ZNF772: variants seen among roughly 807,000 people sequenced by gnomAD.
ZNF772 encodes the protein zinc finger protein 772.
Under a neutral mutation model 11.0 loss-of-function variants are expected in ZNF772, and 8 were observed. That is an observed-to-expected ratio of 0.73 (90% CI 0.43 to 1.31). The LOEUF (loss-of-function observed/expected upper bound fraction) is 1.31, where lower values mean the gene tolerates loss of function less well. ZNF772 is among the 50% of genes most tolerant of loss of function. The pLI, the probability that ZNF772 is intolerant of heterozygous loss-of-function variation, is 0.01. For synonymous variants in ZNF772, 155 were observed against 180.4 expected (o/e 0.86, Z 1.13); for missense variants, 496 against 552.3 (o/e 0.90, Z 1.02).
chr19:57,475,328 C>A lies in ZNF772; in HGVS notation c.199+332G>T, dbSNP rs189498297. On this transcript the variant is annotated intron_variant, in intron 3 of 3. Coordinates refer to ENST00000356584, the MANE Select transcript of ZNF772 (RefSeq NM_001144068.2). The surrounding 1 kb of genome is among the most constrained non-coding windows in gnomAD (Gnocchi z 4.2). The stretch of plus-strand genomic sequence containing the variant: ...CAGGAAATGTCAGCTAAAGGAAGAG[C>A]GCAGAATCCCAGGCACAGAGGTGTC... Among the ~76,000 whole-genome samples the A allele has an allele frequency of 6.6e-6, 1 of 152,162 alleles. No individual in the cohort carries two copies. The highest frequency in any genetic ancestry group is 1.5e-5 in the Non-Finnish European group (1 of 68,032).
intron 2 of ZNF772, among the ~76,000 whole-genome samples, chr19:57,476,183 C>A (rs552808739): frequency 6.6e-6 from 1 of 152,342 alleles, no homozygotes; most frequent in African/African-American, 2.4e-5. Flanking sequence ...ACAGTTATCT[C>A]ACAACTCTGG....
rs1167574584 is a variant in ZNF772, at chr19:57,471,458, T to C, written c.*1816A>G. ...CTTAACATTTAAAAAAATCAGTCAA[T>C]GTAATTCATATTAAACAACTAAAAC... On this transcript the variant is annotated 3_prime_UTR_variant, in exon 4 of 4. Transcript: ENST00000356584. The C allele has an allele frequency of 6.6e-6, 1 of 152,186 alleles. No individual in the cohort carries two copies. Among genetic ancestry groups the C allele is most frequent in the Non-Finnish European group, 1.5e-5 (1 of 68,022 alleles). The allele number at this position is 152,186 out of a possible 1,614,324, so 9.4% of individuals were successfully genotyped here.
intron 3 of ZNF772, among the ~76,000 whole-genome samples, chr19:57,474,785 T>G (rs1175080036): frequency 1.3e-5 from 2 of 152,204 alleles, no homozygotes; most frequent in Non-Finnish European, 2.9e-5. Flanking sequence ...GTTTAAGGAC[T>G]ATTTGGGCTA....
Position 57,477,401 on chromosome 19 carries a change from G to T in ZNF772, c.-92C>A. On this transcript the variant is annotated 5_prime_UTR_variant, in exon 1 of 4. In the 5' UTR this introduces an upstream ATG that the reference lacks. Coordinates refer to ENST00000356584, the MANE Select transcript of ZNF772 (RefSeq NM_001144068.2). ...GCCCAGCGGCTAGGTCACTCAGGCAGCGCCACTGTCAAGCCTCAGGCCCAC... is the reference window on the plus strand; with the variant it reads ...GCCCAGCGGCTAGGTCACTCAGGCATCGCCACTGTCAAGCCTCAGGCCCAC... 1 of 1,448,252 alleles carries T rather than the reference G, an allele frequency of 6.9e-7. No homozygotes were observed. The highest frequency in any genetic ancestry group is 9.6e-7 in the Non-Finnish European group (1 of 1,042,990). The allele number at this position is 1,448,252 out of a possible 1,614,324, so 89.7% of individuals were successfully genotyped here.
Position 57,473,857 on chromosome 19 carries a change from C to T in ZNF772, c.764G>A (p.Cys255Tyr). The T allele has an allele frequency of 6.2e-7, 1 of 1,614,186 alleles. No individual in the cohort carries two copies. Among genetic ancestry groups the T allele is most frequent in the Non-Finnish European group, 8.5e-7 (1 of 1,180,004 alleles). The change falls in exon 4 of 4, where the codon TGC (cysteine) becomes TAC (tyrosine). Residue 255 changes from cysteine to tyrosine, a missense_variant. Transcript: ENST00000356584. Reference protein sequence around the residue: ...RVHTGERPYECGECGKTFSRK... With the variant: ...RVHTGERPYEYGECGKTFSRK... The stretch of plus-strand genomic sequence containing the variant: ...GCTAAAGGTTTTCCCACATTCACCG[C>T]ACTCATAAGGCCTTTCTCCAGTGTG...
chr19:57,476,481 C>G, intron 2 of ZNF772, 153 bp downstream of exon 2: 1 of 874,676 alleles, frequency 1.1e-6, no homozygotes, highest in East Asian at 2.6e-5. Context: ...AACCCCTGGC[C>G]CGGAGTCAGG....
Position 57,472,289 on chromosome 19 carries a change from G to C in ZNF772, c.*985C>G, listed in dbSNP as rs1170695027. On this transcript the variant is annotated 3_prime_UTR_variant, in exon 4 of 4. Coordinates refer to ENST00000356584, the MANE Select transcript of ZNF772 (RefSeq NM_001144068.2). ...ACTGCCTACTGAAAAATAGACTTCAGAGATCTTGACATGTCCACTGAGTTC... is the reference window on the plus strand; with the variant it reads ...ACTGCCTACTGAAAAATAGACTTCACAGATCTTGACATGTCCACTGAGTTC... The C allele has an allele frequency of 2.7e-5, 11 of 413,674 alleles. No individual in the cohort carries two copies. The highest frequency in any genetic ancestry group is 1.9e-4 in the South Asian group (11 of 56,702). The allele number at this position is 413,674 out of a possible 1,614,324, so 25.6% of individuals were successfully genotyped here.
chr19:57,473,222 C>T lies in ZNF772; in HGVS notation c.*52G>A, dbSNP rs1293570698. On this transcript the variant is annotated 3_prime_UTR_variant, in exon 4 of 4. Coordinates refer to ENST00000356584, the MANE Select transcript of ZNF772 (RefSeq NM_001144068.2). ...CACATAAAGGCTATGCTTGGAGCTT[C>T]TCTCTGATGTCAGTTATTATGTTGA... 2.6e-6 allele frequency: 4 copies of T among 1,539,894 alleles called. No individual in the cohort carries two copies. The highest frequency in any genetic ancestry group is 2.1e-4 in the Middle Eastern group (1 of 4,806).
At position 57,475,532 on chromosome 19, in the gene ZNF772, A is replaced by G; in HGVS notation, c.199+128T>C. ...ACAGCCCAAGCCCAGCACTCACAGA[A>G]CCTACTCCAGGCACTAAGAAATGAG... On this transcript the variant is annotated intron_variant, in intron 3 of 3. Coordinates refer to ENST00000356584, the MANE Select transcript of ZNF772 (RefSeq NM_001144068.2). This position sits in a 1 kb window ranked among gnomAD's most constrained non-coding sequence, Gnocchi z 4.2. The G allele has an allele frequency of 2.1e-6, 3 of 1,460,518 alleles. No individual in the cohort carries two copies. The highest frequency in any genetic ancestry group is 2.9e-6 in the Non-Finnish European group (3 of 1,043,836). 90.5% of individuals were successfully genotyped at this position (1,460,518 alleles called of 1,614,324 possible). A position where few individuals can be genotyped will look rare whatever the true frequency, so the allele number is the denominator to read the frequency against.
Position 57,474,334 on chromosome 19 carries a change from C to T in ZNF772, c.287G>A (p.Gly96Asp), listed in dbSNP as rs149559142. The change falls in exon 4 of 4, where the codon GGT (glycine) becomes GAT (aspartate). Residue 96 changes from glycine to aspartate, a missense_variant. By Grantham distance (94) the Gly-to-Asp change is moderately conservative. Coordinates refer to ENST00000356584, the MANE Select transcript of ZNF772 (RefSeq NM_001144068.2). ...GMSQIRIPKG[G>D]PSTQKAYPCG... Reference sequence around the variant, plus strand: ...GGGGTAAGCCTTCTGAGTAGAAGGACCTCCCTTGGGAATCCTGATCTGTGA... The same window carrying T: ...GGGGTAAGCCTTCTGAGTAGAAGGATCTCCCTTGGGAATCCTGATCTGTGA... 1 of 1,613,786 alleles carries T rather than the reference C, an allele frequency of 6.2e-7. No homozygotes were observed. Among genetic ancestry groups the T allele is most frequent in the Non-Finnish European group, 8.5e-7 (1 of 1,180,046 alleles).
Position 57,477,451 on chromosome 19 carries a change from T to C in ZNF772, c.-142A>G. The C allele has an allele frequency of 1.3e-6, 1 of 788,614 alleles. No homozygotes were observed. The allele number at this position is 788,614 out of a possible 1,614,324, so 48.9% of individuals were successfully genotyped here. A position where few individuals can be genotyped will look rare whatever the true frequency, so the allele number is the denominator to read the frequency against. ...CCTCTCTTCAGGGAAGAAGACACTCTCTCACGTTTTCCCTTTTCTGTCACC... is the reference window on the plus strand; with the variant it reads ...CCTCTCTTCAGGGAAGAAGACACTCCCTCACGTTTTCCCTTTTCTGTCACC... On this transcript the variant is annotated 5_prime_UTR_variant, in exon 1 of 4. Transcript: ENST00000356584.
Position 57,473,856 on chromosome 19 carries a change from G to A in ZNF772, c.765C>T (p.Cys255=), listed in dbSNP as rs140411377. 361 of 1,614,026 alleles carry A rather than the reference G, an allele frequency of 2.2e-4. No individual in the cohort carries two copies. In the African/African-American group the frequency reaches 3.2e-3, roughly 14 times the overall value. The change falls in exon 4 of 4, where the codon TGC becomes TGT. Residue 255 remains cysteine (C), a synonymous_variant. Coordinates refer to ENST00000356584, the MANE Select transcript of ZNF772 (RefSeq NM_001144068.2). ...GGCTAAAGGTTTTCCCACATTCACC[G>A]CACTCATAAGGCCTTTCTCCAGTGT... The part of the protein sequence containing the change: ...RVHTGERPYE[C]GECGKTFSRK...
Position 57,475,489 on chromosome 19 carries a change from G to T in ZNF772, c.199+171C>A. 1 of 1,064,020 alleles carries T rather than the reference G, an allele frequency of 9.4e-7. No homozygotes were observed. Among genetic ancestry groups the T allele is most frequent in the Non-Finnish European group, 1.4e-6 (1 of 693,788 alleles). The allele number at this position is 1,064,020 out of a possible 1,614,324, so 65.9% of individuals were successfully genotyped here. A position where few individuals can be genotyped will look rare whatever the true frequency, so the allele number is the denominator to read the frequency against. Reference sequence around the variant, plus strand: ...AGCAAGCGCTGGGAATGCTCAAAAGGAGAAAGTAGGAGTGCAAACAGCCCA... The same window carrying T: ...AGCAAGCGCTGGGAATGCTCAAAAGTAGAAAGTAGGAGTGCAAACAGCCCA... On this transcript the variant is annotated intron_variant, in intron 3 of 3. Transcript: ENST00000356584. This position sits in a 1 kb window ranked among gnomAD's most constrained non-coding sequence, Gnocchi z 4.2.
chr19:57,474,351 G>A lies in ZNF772; in HGVS notation c.270C>T (p.Ile90=). The change falls in exon 4 of 4, where the codon ATC becomes ATT. Residue 90 remains isoleucine (I), a synonymous_variant. Transcript: ENST00000356584. ...EQSFSIGMSQ[I]RIPKGGPSTQ... ...TAGAAGGACCTCCCTTGGGAATCCT[G>A]ATCTGTGACATTCCTATAGAAAAGC... 1 of 1,613,446 alleles carries A rather than the reference G, an allele frequency of 6.2e-7. No homozygotes were observed. Among genetic ancestry groups the A allele is most frequent in the Non-Finnish European group, 8.5e-7 (1 of 1,180,048 alleles).
At chr19:57,474,450 C>A (rs1217270437) in intron 3 of ZNF772, 29 bp from the exon 4 acceptor site, 1 of 1,580,932 alleles carries the variant, frequency 6.3e-7, no homozygotes, top group South Asian at 1.1e-5. Context: ...TGGTGAAGTA[C>A]AAATTGACAC....
rs772804116 is a variant in ZNF772 at position 57,472,967 on chromosome 19, T to G, written c.*307A>C. 1 of 341,446 alleles carries G rather than the reference T, an allele frequency of 2.9e-6. No individual in the cohort carries two copies. Among genetic ancestry groups the G allele is most frequent in the African/African-American group, 2.1e-5 (1 of 47,968 alleles). The allele number at this position is 341,446 out of a possible 1,614,324, so 21.2% of individuals were successfully genotyped here. On this transcript the variant is annotated 3_prime_UTR_variant, in exon 4 of 4. Transcript: ENST00000356584. ...TGATGATTCCCTCCAGGGAAGGGAA[T>G]AGTACAGAGGTCTGTCTTTTGAAAC...
rs760355999 is a variant in ZNF772 at position 57,472,076 on chromosome 19, G to T, written c.*1198C>A. On this transcript the variant is annotated 3_prime_UTR_variant, in exon 4 of 4. Coordinates refer to ENST00000356584, the MANE Select transcript of ZNF772 (RefSeq NM_001144068.2). ...CTGGACAGTAACCTTAGCCATAAGA[G>T]ACACAGGTATGGAAATATTTCTGTA... 47 of 455,080 alleles carry T rather than the reference G, an allele frequency of 1.0e-4. 1 individual carries two copies. Among genetic ancestry groups the T allele is most frequent in the South Asian group, 7.2e-4 (46 of 64,200 alleles). 28.2% of individuals were successfully genotyped at this position (455,080 alleles called of 1,614,324 possible).
intron 1 of ZNF772, 129 bp downstream of exon 1, chr19:57,477,148 C>T (rs965067910): frequency 1.6e-6 from 2 of 1,287,370 alleles, no homozygotes; most frequent in Non-Finnish European, 2.2e-6. Flanking sequence ...AAAATGGGTC[C>T]CAAACACGAG....
Position 57,472,319 on chromosome 19 carries a change from TCTC to T in ZNF772, c.*952_*954del, listed in dbSNP as rs1202355675. 5.4e-6 allele frequency: 2 copies of T among 369,136 alleles called. No homozygotes were observed. The highest frequency in any genetic ancestry group is 2.1e-5 in the African/African-American group (1 of 46,712). 22.9% of individuals were successfully genotyped at this position (369,136 alleles called of 1,614,324 possible). ...CTTGACATGTCCACTGAGTTCAAAT[TCTC>T]CTCAAGAAGCCTTGGGAATATGAAG... On this transcript the variant is annotated 3_prime_UTR_variant, in exon 4 of 4. Coordinates refer to ENST00000356584, the MANE Select transcript of ZNF772 (RefSeq NM_001144068.2).
Sources: allele counts gnomAD v4.1 joint callset (sites outside exome capture counted in the v4.1 genomes callset), GRCh38; gene constraint gnomAD v4.1.1; non-coding constraint Gnocchi (gnomAD v3.1); transcripts MANE v1.5; gene names NCBI Gene and HGNC (gene_info 2026-07-23, HGNC 2026-07-21).